Variants in DPYSL2 observed in about 807,000 individuals in gnomAD.
DPYSL2 encodes the protein dihydropyrimidinase-related protein 2.
A neutral mutation model predicts 69.9 loss-of-function variants in DPYSL2; 13 were observed. The observed-to-expected ratio is 0.19, with a 90% confidence interval of 0.12 to 0.30. DPYSL2 has a LOEUF of 0.30. Among genes scored for constraint, DPYSL2 ranks in the 10% least tolerant of loss-of-function variants. DPYSL2 has a pLI of 1.00. For missense variants in DPYSL2, 587 were observed against 918.9 expected, an observed-to-expected ratio of 0.64 and a Z score of 4.67; for synonymous variants, 326 against 359.1, an observed-to-expected ratio of 0.91 and a Z score of 1.04.
intron 8 of DPYSL2, among the ~76,000 whole-genome samples, chr8:26,639,145 C>T (rs138303360): frequency 9.5e-4 from 145 of 152,272 alleles, no homozygotes; most frequent in African/African-American, 3.3e-3. Flanking sequence ...AGCACATGGT[C>T]GCAGGGCCTG....
In DPYSL2 at chr8:26,641,839, C is replaced by T. The variant is rs907618100; in HGVS notation, c.1127-1600C>T. ...CCTCCAGCACTCCCCAGCTGAACAG[C>T]GAGTCCTTTGTGAAATTCCTGAGGC... On this transcript the variant is annotated intron_variant, in intron 8 of 13. Coordinates refer to ENST00000521913, the MANE Select transcript of DPYSL2 (RefSeq NM_001197293.3). The surrounding 1 kb of genome is among the most constrained non-coding windows in gnomAD (Gnocchi z 4.1). 1.3e-5 allele frequency among the ~76,000 whole-genome samples: 2 copies of T among 152,162 alleles called. No individual in the cohort carries two copies. The highest frequency in any genetic ancestry group is 2.9e-5 in the Non-Finnish European group (2 of 68,038).
At position 26,514,566 on chromosome 8, in the gene DPYSL2, C is replaced by T. The variant is rs1808241277; in HGVS notation, c.241C>T (p.Pro81Ser). ...VAHLGPDPQP[P>S]YSRQGRRAGG... The stretch of plus-strand genomic sequence containing the variant: ...CCACTTGGGCCCGGACCCGCAGCCG[C>T]CGTACTCGCGGCAGGGCCGGCGCGC... Residue 81 changes from proline to serine, a missense_variant, in exon 1 of 14, where the codon CCG becomes TCG. Around this residue, in one of 3 missense-constraint regions of DPYSL2, gnomAD observed 85 missense variants for 77.7 expected, o/e 1.09. Transcript: ENST00000521913. This position sits in a 1 kb window ranked among gnomAD's most constrained non-coding sequence, Gnocchi z 8.4. The T allele has an allele frequency of 3.9e-6, 6 of 1,527,418 alleles. No homozygotes were observed. Among genetic ancestry groups the T allele is most frequent in the East Asian group, 5.0e-5 (2 of 40,374 alleles). The allele number at this position is 1,527,418 out of a possible 1,614,324, so 94.6% of individuals were successfully genotyped here.
chr8:26,611,881 C>T (rs1167685588), intron 3 of DPYSL2, among the ~76,000 whole-genome samples: 1 of 152,192 alleles, frequency 6.6e-6, no homozygotes, highest in Non-Finnish European at 1.5e-5. Context: ...TGGCTCCAGA[C>T]CTGCTGCTGC....
rs60036603 is a variant in DPYSL2, at chr8:26,585,393, G to C, written c.628+1410G>C. Among the ~76,000 whole-genome samples, 1 of 151,944 alleles carries C rather than the reference G, an allele frequency of 6.6e-6. No individual in the cohort carries two copies. The highest frequency in any genetic ancestry group is 6.6e-5 in the Admixed American group (1 of 15,266). On this transcript the variant is annotated intron_variant, in intron 3 of 13. Coordinates refer to ENST00000521913, the MANE Select transcript of DPYSL2 (RefSeq NM_001197293.3). The surrounding 1 kb of genome is among the most constrained non-coding windows in gnomAD (Gnocchi z 4.0). ...TTTAAATCACAACTCATCCTCTGGC[G>C]TTCTCTCTGTCCTGGCCCTCAGGGT... is the stretch of plus-strand genomic sequence containing the variant.
intron 1 of DPYSL2, among the ~76,000 whole-genome samples, chr8:26,573,698 G>A (rs1801277492): frequency 6.7e-6 from 1 of 150,172 alleles, no homozygotes; most frequent in African/African-American, 2.5e-5. Context: ...TTACCTGGGC[G>A]TGGTGGTGGG....
At chr8:26,535,065 G>A (rs751990490) in intron 1 of DPYSL2, among the ~76,000 whole-genome samples, 1 of 152,178 alleles carries the variant, frequency 6.6e-6, no homozygotes, top group Non-Finnish European at 1.5e-5. Flanking sequence ...TAGATTGGGT[G>A]GCTTAAACAA....
At position 26,647,536 on chromosome 8, in the gene DPYSL2, C is replaced by T; in HGVS notation, c.1426-94C>T. The T allele has an allele frequency of 7.4e-7, 1 of 1,342,352 alleles. No individual in the cohort carries two copies. Among genetic ancestry groups the T allele is most frequent in the East Asian group, 2.3e-5 (1 of 42,738 alleles). 83.2% of individuals were successfully genotyped at this position (1,342,352 alleles called of 1,614,324 possible). On this transcript the variant is annotated intron_variant, in intron 10 of 13. Coordinates refer to ENST00000521913, the MANE Select transcript of DPYSL2 (RefSeq NM_001197293.3). This position sits in a 1 kb window ranked among gnomAD's most constrained non-coding sequence, Gnocchi z 5.1. Reference sequence around the variant, plus strand: ...ACAACGCTCTTGACATCCATCTAAGCTGTCGTGTGTATCAATAGTTTGTTA... The same window carrying T: ...ACAACGCTCTTGACATCCATCTAAGTTGTCGTGTGTATCAATAGTTTGTTA...
At chr8:26,623,682 G>A (rs1802549048) in intron 3 of DPYSL2, among the ~76,000 whole-genome samples, 1 of 152,134 alleles carries the variant, frequency 6.6e-6, no homozygotes. Context: ...TAATGAGAGA[G>A]CAGGTAATGC....
chr8:26,571,081 C>T lies in DPYSL2; in HGVS notation c.355-10888C>T, dbSNP rs980274088. ...TTACCACTCTTTCATAATGTTCCCC[C>T]TGGACAAAGAGCAGACCAGTGATGC... On this transcript the variant is annotated intron_variant, in intron 1 of 13. Coordinates refer to ENST00000521913, the MANE Select transcript of DPYSL2 (RefSeq NM_001197293.3). This position sits in a 1 kb window ranked among gnomAD's most constrained non-coding sequence, Gnocchi z 6.1. Among the ~76,000 whole-genome samples, 7 of 152,192 alleles carry T rather than the reference C, an allele frequency of 4.6e-5. No individual in the cohort carries two copies. Among genetic ancestry groups the T allele is most frequent in the African/African-American group, 1.4e-4 (6 of 41,440 alleles).
chr8:26,604,666 T>C (rs1013740908), intron 3 of DPYSL2, among the ~76,000 whole-genome samples: 8 of 152,086 alleles, frequency 5.3e-5, no homozygotes, highest in Non-Finnish European at 1.0e-4. Flanking sequence ...GCTTTTTTTT[T>C]TTTTGAGACA....
At chr8:26,554,082 G>C (rs1800908193) in intron 1 of DPYSL2, among the ~76,000 whole-genome samples, 1 of 151,892 alleles carries the variant, frequency 6.6e-6, no homozygotes, top group Non-Finnish European at 1.5e-5. Context: ...TAGGGATGGG[G>C]TTTCACCATC....
chr8:26,618,460 A>G (rs1047929150), intron 3 of DPYSL2, among the ~76,000 whole-genome samples: 5 of 150,386 alleles, frequency 3.3e-5, no homozygotes, highest in African/African-American at 1.2e-4. Flanking sequence ...CTACAGGCAC[A>G]TAACACCATG....
rs571567309 is a variant in DPYSL2 at position 26,654,835 on chromosome 8, A to G, written c.1943-780A>G. Among the ~76,000 whole-genome samples, 1 of 152,122 alleles carries G rather than the reference A, an allele frequency of 6.6e-6. No individual in the cohort carries two copies. The highest frequency in any genetic ancestry group is 6.5e-5 in the Admixed American group (1 of 15,278). On this transcript the variant is annotated intron_variant, in intron 13 of 13. Transcript: ENST00000521913. The surrounding 1 kb of genome is among the most constrained non-coding windows in gnomAD (Gnocchi z 5.0). ...GGCTCATCTCCTTTTTAAAAAGTTT[A>G]TTTTTATTTTTAGAGATATAATAGT...
chr8:26,528,424 G>A (rs1808519829), intron 1 of DPYSL2, among the ~76,000 whole-genome samples: 1 of 152,056 alleles, frequency 6.6e-6, no homozygotes, highest in African/African-American at 2.4e-5. Flanking sequence ...TGAGGCGGGT[G>A]GATCCCGAGG....
In DPYSL2 at chr8:26,585,272, G is replaced by T. The variant is rs997883782; in HGVS notation, c.628+1289G>T. ...TTTCCGAGTGGTGGTCTTTTTGCTT[G>T]TGGCTTTGGGGTCTATCTGGAAGCT... On this transcript the variant is annotated intron_variant, in intron 3 of 13. Coordinates refer to ENST00000521913, the MANE Select transcript of DPYSL2 (RefSeq NM_001197293.3). This position sits in a 1 kb window ranked among gnomAD's most constrained non-coding sequence, Gnocchi z 4.0. Among the ~76,000 whole-genome samples, 1 of 152,112 alleles carries T rather than the reference G, an allele frequency of 6.6e-6. No homozygotes were observed. The highest frequency in any genetic ancestry group is 2.4e-5 in the African/African-American group (1 of 41,412).
chr8:26,649,861 G>A (rs1803247691), intron 11 of DPYSL2, among the ~76,000 whole-genome samples: 1 of 152,200 alleles, frequency 6.6e-6, no homozygotes, highest in South Asian at 2.1e-4. Context: ...AGTAGGCTCT[G>A]AGTATCTGGG....
chr8:26,644,483 T>A lies in DPYSL2; in HGVS notation c.1425+392T>A, dbSNP rs555099020. The stretch of plus-strand genomic sequence containing the variant: ...CACCATGCCTGGCTAATTTTTTTTT[T>A]ATTTTTTGTGGAGATGGGGGTCTCA... On this transcript the variant is annotated intron_variant, in intron 10 of 13. Coordinates refer to ENST00000521913, the MANE Select transcript of DPYSL2 (RefSeq NM_001197293.3). The surrounding 1 kb of genome is among the most constrained non-coding windows in gnomAD (Gnocchi z 4.5). Among the ~76,000 whole-genome samples the A allele has an allele frequency of 3.9e-5, 6 of 152,026 alleles. No individual in the cohort carries two copies. Among genetic ancestry groups the A allele is most frequent in the Admixed American group, 3.3e-4 (5 of 15,274 alleles).
intron 8 of DPYSL2, among the ~76,000 whole-genome samples, chr8:26,639,467 T>C (rs946267581): frequency 1.4e-4 from 22 of 152,270 alleles, no homozygotes; most frequent in African/African-American, 5.3e-4. Flanking sequence ...GGAATTCAAT[T>C]TGCATTGTAA....
At position 26,598,373 on chromosome 8, in the gene DPYSL2, C is replaced by G. The variant is rs553364259; in HGVS notation, c.628+14390C>G. Among the ~76,000 whole-genome samples, 12 of 152,316 alleles carry G rather than the reference C, an allele frequency of 7.9e-5. No individual in the cohort carries two copies. The highest frequency in any genetic ancestry group is 6.8e-3 in the Middle Eastern group (2 of 294). On this transcript the variant is annotated intron_variant, in intron 3 of 13. Transcript: ENST00000521913. The surrounding 1 kb of genome is among the most constrained non-coding windows in gnomAD (Gnocchi z 4.2). Reference sequence around the variant, plus strand: ...TTGTGGATGTTTTAGAGCTCCTCCTCTCCATCTCCTGAATTTCTTTTCTTG... The same window carrying G: ...TTGTGGATGTTTTAGAGCTCCTCCTGTCCATCTCCTGAATTTCTTTTCTTG...
Sources: gnomAD v4.1 joint callset for allele counts (sites outside exome capture counted in the v4.1 genomes callset) on GRCh38, gnomAD v4.1.1 for gene constraint, gnomAD v4.1.1 regional missense constraint, Gnocchi (gnomAD v3.1) non-coding constraint, MANE v1.5 for transcripts, NCBI Gene and HGNC (gene_info 2026-07-23, HGNC 2026-07-21) for gene names.